The following IDNK variants were observed in gnomAD, a reference collection of about 807,000 sequenced individuals.
The protein encoded by IDNK is gluconokinase.
IDNK carries 9 observed loss-of-function variants against 13.0 expected under a neutral mutation model. The observed-to-expected ratio is 0.69, with a 90% CI of 0.42 to 1.21. The LOEUF is 1.21. IDNK is among the 50% of genes most tolerant of loss of function. IDNK has a pLI of 0.00. For synonymous variants in IDNK, 92 were observed against 94.9 expected (o/e 0.97, Z 0.18); for missense variants, 210 against 237.8 (o/e 0.88, Z 0.77).
intron 1 of IDNK, 35 bp downstream of exon 1, chr9:83,623,256 A>G (rs1384049965): frequency 3.6e-6 from 5 of 1,377,520 alleles, no homozygotes; most frequent in Non-Finnish European, 4.7e-6. Context: ...CGCCCGGGAC[A>G]AGTGTTGCGG....
chr9:83,623,057 A>G, upstream of IDNK: 1 of 711,676 alleles, frequency 1.4e-6, no homozygotes, highest in Non-Finnish European at 2.1e-6. Context: ...GAGGGCGCAG[A>G]GGGGCACGGC....
At chr9:83,623,124 G>A, upstream of IDNK, 2 of 1,397,788 alleles carry the variant, frequency 1.4e-6, no homozygotes, top group South Asian at 1.6e-5. Flanking sequence ...CGGGTAGGCC[G>A]GGGCCGGCGG....
intron 3 of IDNK, among the ~76,000 whole-genome samples, chr9:83,631,451 G>GGAAAAAAA (rs1831010547): frequency 3.5e-5 from 2 of 56,946 alleles, no homozygotes; most frequent in Admixed American, 2.9e-4. Flanking sequence ...TACAAAAACT[G>GGAAAAAAA]AAAAAAAAAA....
intron 3 of IDNK, among the ~76,000 whole-genome samples, chr9:83,637,636 G>C (rs966811034): frequency 1.3e-5 from 2 of 152,182 alleles, no homozygotes; most frequent in Non-Finnish European, 2.9e-5. Flanking sequence ...ATCAAAGTGT[G>C]GCAAGGCTGA....
At chr9:83,636,851 GTAAATAACCATA>G (rs1564149263) in intron 3 of IDNK, among the ~76,000 whole-genome samples, 1 of 152,176 alleles carries the variant, frequency 6.6e-6, no homozygotes, top group Non-Finnish European at 1.5e-5. Context: ...TTAATGAAAA[GTAAATAACCATA>G]TTATTTTCAA....
At position 83,643,707 on chromosome 9, in the gene IDNK, T is replaced by G. The variant is rs1284896770; in HGVS notation, c.491T>G (p.Phe164Cys). 2 of 1,613,764 alleles carry G rather than the reference T, an allele frequency of 1.2e-6. No homozygotes were observed. Among genetic ancestry groups the G allele is most frequent in the Middle Eastern group, 1.6e-4 (1 of 6,082 alleles). The change falls in exon 5 of 5, where the codon TTT becomes TGT. Residue 164 changes from phenylalanine to cysteine, a missense_variant. Coordinates refer to ENST00000376419, the MANE Select transcript of IDNK (RefSeq NM_001001551.4). ...GAGCCCCCAGCAGCTCCAGAAAACT[T>G]TATCCAAATAAGTGTGGACAAAAAT... is the stretch of plus-strand genomic sequence containing the variant. The part of the protein sequence containing the change: ...TLEPPAAPEN[F>C]IQISVDKNVS...
At chr9:83,628,085 C>T in intron 1 of IDNK, 96 bp from the exon 2 acceptor site, 1 of 1,537,080 alleles carries the variant, frequency 6.5e-7, no homozygotes, top group South Asian at 1.2e-5. Flanking sequence ...TAAATTCCTG[C>T]TAAGGCAGCC....
At chr9:83,623,908 A>T (rs541735066) in intron 1 of IDNK, among the ~76,000 whole-genome samples, 1 of 152,350 alleles carries the variant, frequency 6.6e-6, no homozygotes, top group African/African-American at 2.4e-5. Context: ...CCTTTATCAG[A>T]AAAGACAGCT....
At position 83,641,556 on chromosome 9, in the gene IDNK, T is replaced by C. The variant is rs769442777; in HGVS notation, c.177T>C (p.Ile59=). 1.2e-6 allele frequency: 2 copies of C among 1,614,068 alleles called. No individual in the cohort carries two copies. Among genetic ancestry groups the C allele is most frequent in the East Asian group, 4.5e-5 (2 of 44,884 alleles). Residue 59 remains isoleucine, a synonymous_variant, in exon 4 of 5, where the codon ATT becomes ATC. Coordinates refer to ENST00000376419, the MANE Select transcript of IDNK (RefSeq NM_001001551.4). The part of the protein sequence containing the change: ...KGIPLNDQDR[I]PWLCNLHDIL... ...GTTTTTGTTTTTTTCAGGACCGGAT[T>C]CCATGGCTCTGTAACTTGCATGACA...
chr9:83,637,541 C>T (rs1831196999), intron 3 of IDNK, among the ~76,000 whole-genome samples: 1 of 152,182 alleles, frequency 6.6e-6, no homozygotes, highest in African/African-American at 2.4e-5. Flanking sequence ...AGCTGGAGAG[C>T]TTAAAAGGCT....
chr9:83,643,752 C>T lies in IDNK; in HGVS notation c.536C>T (p.Thr179Ile). 2 of 1,610,920 alleles carry T rather than the reference C, an allele frequency of 1.2e-6. No individual in the cohort carries two copies. The highest frequency in any genetic ancestry group is 1.7e-6 in the Non-Finnish European group (2 of 1,178,272). Residue 179 changes from threonine (T) to isoleucine (I), a missense_variant, in exon 5 of 5, where the codon ACA (threonine) becomes ATA (isoleucine). Coordinates refer to ENST00000376419, the MANE Select transcript of IDNK (RefSeq NM_001001551.4). The stretch of plus-strand genomic sequence containing the variant: ...AAAAATGTTTCAGAGATAATTGCTA[C>T]AATTATGGAAACCCTAAAAATGAAA... Reference protein sequence around the residue: ...VDKNVSEIIATIMETLKMK With the variant: ...VDKNVSEIIAIIMETLKMK
chr9:83,623,336 C>G (rs76971639), intron 1 of IDNK, 115 bp downstream of exon 1: 2 of 1,001,556 alleles, frequency 2.0e-6, no homozygotes, highest in Non-Finnish European at 2.8e-6. Flanking sequence ...CCCACCCTTC[C>G]CTTTGCAGAT....
In IDNK at chr9:83,642,344, T is replaced by C. The variant is rs113751139; in HGVS notation, c.212+753T>C. On this transcript the variant is annotated intron_variant, in intron 4 of 4. Transcript: ENST00000376419. Reference sequence around the variant, plus strand: ...ATGAACATAAATTCAGTTTGCTTTTTTCACACCCGTTGACATGGCTGGCAG... The same window carrying C: ...ATGAACATAAATTCAGTTTGCTTTTCTCACACCCGTTGACATGGCTGGCAG... Among the ~76,000 whole-genome samples the C allele has an allele frequency of 8.3e-3, 1,259 of 152,316 alleles. 18 individuals carry two copies. Among genetic ancestry groups the C allele is most frequent in the African/African-American group, 0.029 (1,198 of 41,574 alleles).
chr9:83,626,749 C>A, intron 1 of IDNK: 1 of 1,218,706 alleles, frequency 8.2e-7, no homozygotes, highest in Non-Finnish European at 1.0e-6. Flanking sequence ...CTGCTATGCA[C>A]ACTTCTGGCT....
Position 83,628,934 on chromosome 9 carries a change from G to C in IDNK, c.143G>C (p.Gly48Ala), listed in dbSNP as rs77185129. The C allele has an allele frequency of 2.2e-5, 36 of 1,613,920 alleles. No homozygotes were observed. The African/African-American group carries it at 4.5e-4, about 20-fold the overall frequency. ...YHPEENRRKM[G>A]KGIPLNDQDR... ...CCGGAGGAAAATCGAAGGAAGATGG[G>C]AAAAGGCATACCGCTCAATGACCAG... The change falls in exon 3 of 5, where the codon GGA becomes GCA. Residue 48 changes from glycine (G) to alanine (A), a missense_variant. Transcript: ENST00000376419.
intron 1 of IDNK, 107 bp downstream of exon 1, chr9:83,623,328 C>G (rs1830754380): frequency 9.7e-7 from 1 of 1,032,336 alleles, no homozygotes; most frequent in East Asian, 3.3e-5. Flanking sequence ...GGGGACCCCC[C>G]ACCCTTCCCT....
At chr9:83,628,259 C>T (rs1248342697) in intron 2 of IDNK, 48 bp downstream of exon 2, 11 of 1,458,102 alleles carry the variant, frequency 7.5e-6, no homozygotes, top group Non-Finnish European at 7.5e-6. Context: ...CCATTGTGTT[C>T]TGGTCTCCTT....
At chr9:83,627,902 G>T in intron 1 of IDNK, 42 of 435,040 alleles carry the variant, frequency 9.7e-5, no homozygotes, top group East Asian at 1.5e-4. Flanking sequence ...ACCAAAAACT[G>T]ATTACTGAAG....
At position 83,641,612 on chromosome 9, in the gene IDNK, G is replaced by C. The variant is rs1182399898; in HGVS notation, c.212+21G>C. ...CTAAGGTAAGAGACCACCAGGCCTT[G>C]GCATAAGCCAAAGCCAGCAGGTAAA... On this transcript the variant is annotated intron_variant, in intron 4 of 4. Coordinates refer to ENST00000376419, the MANE Select transcript of IDNK (RefSeq NM_001001551.4). 1.9e-6 allele frequency: 3 copies of C among 1,613,006 alleles called. No homozygotes were observed. The African/African-American group carries it at 4.0e-5, about 22-fold the overall frequency.
Sources: allele counts gnomAD v4.1 joint callset (sites outside exome capture counted in the v4.1 genomes callset), GRCh38; gene constraint gnomAD v4.1.1; transcripts MANE v1.5; gene names NCBI Gene and HGNC (gene_info 2026-07-23, HGNC 2026-07-21).